UBE2G2: variants seen among roughly 807,000 people sequenced by gnomAD.
UBE2G2 encodes ubiquitin-conjugating enzyme E2 G2.
A neutral mutation model predicts 23.0 loss-of-function variants in UBE2G2; 10 were observed. That is an observed-to-expected ratio of 0.43 (90% CI 0.27 to 0.74). UBE2G2 has a LOEUF of 0.74. UBE2G2 is among the 30% of genes least tolerant of loss of function. UBE2G2 has a pLI of 0.19. For missense variants in UBE2G2, 150 were observed against 218.3 expected (o/e 0.69, Z 1.97); for synonymous variants, 86 against 81.3 (o/e 1.06, Z -0.31).
chr21:44,773,516 G>T, intron 5 of UBE2G2, 31 bp downstream of exon 5: 1 of 1,598,896 alleles, frequency 6.3e-7, no homozygotes. Flanking sequence ...GGGTGTCCAC[G>T]GCAGCTCCTG....
At chr21:44,792,857 A>G (rs1433920853) in intron 1 of UBE2G2, among the ~76,000 whole-genome samples, 1 of 152,264 alleles carries the variant, frequency 6.6e-6, no homozygotes, top group Non-Finnish European at 1.5e-5. Flanking sequence ...GAGAAGGCAG[A>G]GTGGCAAGGA....
In UBE2G2 at chr21:44,777,348, C is replaced by G. The variant is rs782627070; in HGVS notation, c.195G>C (p.Pro65=). Residue 65 remains proline, a synonymous_variant, in exon 4 of 6, where the codon CCG becomes CCC. Transcript: ENST00000345496. ...PAILSFPLDY[P]LSPPKMRFTC... ...TAAATCTCATCTTTGGGGGACTTAACGGGTAATCAAGTGGGAAACTCAGGA... is the reference window on the plus strand; with the variant it reads ...TAAATCTCATCTTTGGGGGACTTAAGGGGTAATCAAGTGGGAAACTCAGGA... 1.4e-5 allele frequency: 22 copies of G among 1,613,852 alleles called. No homozygotes were observed. The highest frequency in any genetic ancestry group is 1.7e-5 in the Non-Finnish European group (20 of 1,180,014).
chr21:44,792,074 G>A (rs1358359838), intron 1 of UBE2G2, among the ~76,000 whole-genome samples: 2 of 152,330 alleles, frequency 1.3e-5, no homozygotes, highest in East Asian at 3.9e-4. Flanking sequence ...TTGGTAATGG[G>A]AGTATTTATC....
chr21:44,777,384 A>G lies in UBE2G2; in HGVS notation c.159T>C (p.Val53=), dbSNP rs1555960720. 1 of 1,614,112 alleles carries G rather than the reference A, an allele frequency of 6.2e-7. No homozygotes were observed. The highest frequency in any genetic ancestry group is 1.1e-5 in the South Asian group (1 of 91,086). Residue 53 remains valine (V), a synonymous_variant, in exon 4 of 6, where the codon GTT becomes GTC. Coordinates refer to ENST00000345496, the MANE Select transcript of UBE2G2 (RefSeq NM_003343.6). ...GPEDTCFEFG[V]FPAILSFPLD... Reference sequence around the variant, plus strand: ...GTGGGAAACTCAGGATGGCAGGAAAAACACCAAACTCAAAGCAGGTGTCTT... The same window carrying G: ...GTGGGAAACTCAGGATGGCAGGAAAGACACCAAACTCAAAGCAGGTGTCTT...
rs1169922228 is a variant in UBE2G2, at chr21:44,772,258, C to A, written c.386-769G>T. ...CCTGAGCCACTGCCTCCCTCCCAAT[C>A]TCCAATCCCCTGGCCTGGCTCCCTC... On this transcript the variant is annotated intron_variant, in intron 5 of 5. Transcript: ENST00000345496. This position sits in a 1 kb window ranked among gnomAD's most constrained non-coding sequence, Gnocchi z 5.4. Among the ~76,000 whole-genome samples, 1 of 152,236 alleles carries A rather than the reference C, an allele frequency of 6.6e-6. No individual in the cohort carries two copies. Among genetic ancestry groups the A allele is most frequent in the East Asian group, 1.9e-4 (1 of 5,172 alleles).
In UBE2G2 at chr21:44,801,816, G is replaced by A. The variant is rs1601205305; in HGVS notation, c.-68C>T. 2.0e-6 allele frequency: 3 copies of A among 1,482,510 alleles called. No homozygotes were observed. The highest frequency in any genetic ancestry group is 2.6e-5 in the South Asian group (2 of 78,078). The allele number at this position is 1,482,510 out of a possible 1,614,324, so 91.8% of individuals were successfully genotyped here. ...CGCGTGCCTCCTGCCCCGACACCGGGGACTGCTTCCGGGCCACCGTCGCGG... is the reference window on the plus strand; with the variant it reads ...CGCGTGCCTCCTGCCCCGACACCGGAGACTGCTTCCGGGCCACCGTCGCGG... On this transcript the variant is annotated 5_prime_UTR_variant, in exon 1 of 6. Coordinates refer to ENST00000345496, the MANE Select transcript of UBE2G2 (RefSeq NM_003343.6).
intron 1 of UBE2G2, among the ~76,000 whole-genome samples, chr21:44,794,178 A>C (rs2083067294): frequency 6.6e-6 from 1 of 152,232 alleles, no homozygotes; most frequent in South Asian, 2.1e-4. Context: ...CCTATCCTTG[A>C]TCTTGGACTT....
chr21:44,796,198 G>A (rs2083087454), intron 1 of UBE2G2, among the ~76,000 whole-genome samples: 1 of 152,232 alleles, frequency 6.6e-6, no homozygotes, highest in Non-Finnish European at 1.5e-5. Flanking sequence ...CAAGACAGCA[G>A]TTTACAACAA....
rs112214515 is a variant in UBE2G2 at position 44,772,309 on chromosome 21, G to C, written c.386-820C>G. Among the ~76,000 whole-genome samples the C allele has an allele frequency of 6.6e-6, 1 of 151,968 alleles. No homozygotes were observed. The highest frequency in any genetic ancestry group is 2.4e-5 in the African/African-American group (1 of 41,370). ...CACTCAGCACATGAAGAGGGTTCAC[G>C]CCTCAGCCCTCTCAGGATACACACT... is the stretch of plus-strand genomic sequence containing the variant. On this transcript the variant is annotated intron_variant, in intron 5 of 5. Transcript: ENST00000345496. This position sits in a 1 kb window ranked among gnomAD's most constrained non-coding sequence, Gnocchi z 5.4.
At chr21:44,791,924 TC>T (rs1468054291) in intron 1 of UBE2G2, among the ~76,000 whole-genome samples, 1 of 152,162 alleles carries the variant, frequency 6.6e-6, no homozygotes, top group Non-Finnish European at 1.5e-5. Flanking sequence ...TGAAAGCCAC[TC>T]CCTGTATCAG....
intron 4 of UBE2G2, 56 bp from the exon 5 acceptor site, chr21:44,773,743 G>A (rs549628127): frequency 1.6e-5 from 25 of 1,586,254 alleles, no homozygotes; most frequent in East Asian, 1.6e-4. Context: ...AGGCATCGCC[G>A]CGCTTGGGCA....
At chr21:44,781,721 C>T (rs565634671) in intron 3 of UBE2G2, among the ~76,000 whole-genome samples, 1 of 152,264 alleles carries the variant, frequency 6.6e-6, no homozygotes, top group African/African-American at 2.4e-5. Context: ...CAGAGATCCC[C>T]TGTGTTTCCT....
chr21:44,792,150 G>A (rs2083050845), intron 1 of UBE2G2, among the ~76,000 whole-genome samples: 3 of 152,214 alleles, frequency 2.0e-5, no homozygotes, highest in Non-Finnish European at 1.5e-5. Flanking sequence ...AGGCTGCTAG[G>A]CAGAGGGGAC....
intron 3 of UBE2G2, among the ~76,000 whole-genome samples, chr21:44,779,373 G>GT: frequency 8.4e-6 from 1 of 119,028 alleles, no homozygotes; most frequent in South Asian, 3.2e-4. Context: ...AGCTGGGGTG[G>GT]GGGGGGGGTA....
chr21:44,768,825 C>T lies in UBE2G2; in HGVS notation c.*2552G>A, dbSNP rs190429128. ...AAAATGTCATTTATAGGTTAGTGAA[C>T]ACATCCGTCTCACAGACCCCAACTA... On this transcript the variant is annotated 3_prime_UTR_variant, in exon 6 of 6. Coordinates refer to ENST00000345496, the MANE Select transcript of UBE2G2 (RefSeq NM_003343.6). 532 of 152,366 alleles carry T rather than the reference C, an allele frequency of 3.5e-3. 1 individual carries two copies. The highest frequency in any genetic ancestry group is 0.012 in the African/African-American group (504 of 41,578). The allele number at this position is 152,366 out of a possible 1,614,324, so 9.4% of individuals were successfully genotyped here.
At chr21:44,773,424 T>G (rs1555960161) in intron 5 of UBE2G2, 123 bp downstream of exon 5, 1 of 1,252,280 alleles carries the variant, frequency 8.0e-7, no homozygotes, top group African/African-American at 1.5e-5. Context: ...TAAATGGCAA[T>G]AGCATGTGTA....
chr21:44,772,158 G>A lies in UBE2G2; in HGVS notation c.386-669C>T, dbSNP rs1555960000. Among the ~76,000 whole-genome samples, 1 of 152,114 alleles carries A rather than the reference G, an allele frequency of 6.6e-6. No individual in the cohort carries two copies. Among genetic ancestry groups the A allele is most frequent in the African/African-American group, 2.4e-5 (1 of 41,394 alleles). On this transcript the variant is annotated intron_variant, in intron 5 of 5. Transcript: ENST00000345496. This position sits in a 1 kb window ranked among gnomAD's most constrained non-coding sequence, Gnocchi z 5.4. ...AGCTGTGCAGTGCGGCGGTGGCGCT[G>A]CTCAGAATGCACGTGGGGACCGGTT...
In UBE2G2 at chr21:44,771,326, G is replaced by A. The variant is rs781860775; in HGVS notation, c.*51C>T. On this transcript the variant is annotated 3_prime_UTR_variant, in exon 6 of 6. Coordinates refer to ENST00000345496, the MANE Select transcript of UBE2G2 (RefSeq NM_003343.6). The surrounding 1 kb of genome is among the most constrained non-coding windows in gnomAD (Gnocchi z 4.6). ...ATCACTGTCACTAAGTGTGCCGGGG[G>A]AGAATGCTGAGCTGCTTGGCGGTGT... 2.6e-6 allele frequency: 4 copies of A among 1,536,850 alleles called. No homozygotes were observed. The highest frequency in any genetic ancestry group is 1.7e-4 in the Middle Eastern group (1 of 5,874).
chr21:44,782,216 T>C (rs2082962604), intron 3 of UBE2G2, among the ~76,000 whole-genome samples: 1 of 152,256 alleles, frequency 6.6e-6, no homozygotes, highest in African/African-American at 2.4e-5. Context: ...AGCTTTTCTC[T>C]ATGTGTGTAT....
Sources: gnomAD v4.1 joint callset for allele counts (sites outside exome capture counted in the v4.1 genomes callset) on GRCh38, gnomAD v4.1.1 for gene constraint, Gnocchi (gnomAD v3.1) non-coding constraint, MANE v1.5 for transcripts, NCBI Gene and HGNC (gene_info 2026-07-23, HGNC 2026-07-21) for gene names.